Variants in PHLPP2 observed in about 807,000 individuals in gnomAD.
PHLPP2 encodes PH domain and leucine rich repeat protein phosphatase 2, also known as PH domain leucine-rich repeat-containing protein phosphatase 2.
Under a neutral mutation model 124.9 loss-of-function variants are expected in PHLPP2, and 66 were observed. That is an observed-to-expected ratio of 0.53 (90% CI 0.43 to 0.65). The LOEUF is 0.65. Among genes scored for constraint, PHLPP2 ranks in the 30% least tolerant of loss-of-function variants. The pLI, the probability that PHLPP2 is intolerant of heterozygous loss-of-function variation, is 0.00. For synonymous variants in PHLPP2, 681 were observed against 624.7 expected (o/e 1.09, Z -1.34); for missense variants, 1,685 against 1,600.4 (o/e 1.05, Z -0.90).
intron 5 of PHLPP2, 105 bp from the exon 6 acceptor site, chr16:71,682,010 A>AG (rs1020717740): frequency 2.1e-4 from 134 of 632,796 alleles, no homozygotes; most frequent in African/African-American, 1.8e-4. Context: ...TTAAAAAGAT[A>AG]GGAAAAAAAA....
At chr16:71,723,936 A>G (rs2045416358) in intron 1 of PHLPP2, 4 of 522,146 alleles carry the variant, frequency 7.7e-6, no homozygotes, top group Non-Finnish European at 1.0e-5. Context: ...GGCGCGCGCG[A>G]GCAACCGGTG....
At chr16:71,711,790 G>A (rs530259373) in intron 2 of PHLPP2, among the ~76,000 whole-genome samples, 1 of 152,298 alleles carries the variant, frequency 6.6e-6, no homozygotes, top group African/African-American at 2.4e-5. Flanking sequence ...TCAACTATCT[G>A]ACAAAGGGCT....
intron 2 of PHLPP2, among the ~76,000 whole-genome samples, chr16:71,703,950 A>ATCTC (rs2045254119): frequency 1.3e-5 from 2 of 152,202 alleles, no homozygotes; most frequent in African/African-American, 4.8e-5. Context: ...ACAACAACCA[A>ATCTC]AAGCAAGCAC....
At chr16:71,703,546 G>A (rs2045250756) in intron 2 of PHLPP2, among the ~76,000 whole-genome samples, 2 of 151,956 alleles carry the variant, frequency 1.3e-5, no homozygotes, top group African/African-American at 4.8e-5. Context: ...GATAGAAGGG[G>A]CTATAATAGT....
At chr16:71,723,808 C>G in intron 1 of PHLPP2, 1 of 1,294,838 alleles carries the variant, frequency 7.7e-7, no homozygotes, top group Non-Finnish European at 9.8e-7. Flanking sequence ...GGCTCGCGGG[C>G]GCTTCGGGCG....
chr16:71,710,882 G>A (rs984872802), intron 2 of PHLPP2, among the ~76,000 whole-genome samples: 4 of 152,048 alleles, frequency 2.6e-5, no homozygotes, highest in East Asian at 1.9e-4. Flanking sequence ...AGTAACTGTC[G>A]AAGCCAGGAT....
Position 71,652,866 on chromosome 16 carries a change from A to C in PHLPP2, c.2741T>G (p.Leu914Arg), listed in dbSNP as rs749876697. The C allele has an allele frequency of 3.1e-6, 5 of 1,614,004 alleles. No homozygotes were observed. The highest frequency in any genetic ancestry group is 4.2e-6 in the Non-Finnish European group (5 of 1,180,004). Residue 914 changes from leucine to arginine, a missense_variant, in exon 18 of 19, where the codon CTC becomes CGC. Physicochemically the swap from Leu to Arg is moderately radical, Grantham distance 102 (BLOSUM62 -2). Coordinates refer to ENST00000568954, the MANE Select transcript of PHLPP2 (RefSeq NM_015020.3). ...VLCRGGKPVP[L>R]SKVFSLEQDP... ...CTGCTCCAGGCTGAAGACTTTAGAG[A>C]GGGGCACTGGCTTCCCACCTCGGCA...
chr16:71,661,091 G>A (rs1256449138), intron 13 of PHLPP2, among the ~76,000 whole-genome samples: 1 of 144,792 alleles, frequency 6.9e-6, no homozygotes, highest in Non-Finnish European at 1.5e-5. Context: ...TTTTGAGATA[G>A]GGTCCCGCTC....
intron 5 of PHLPP2, 91 bp from the exon 6 acceptor site, chr16:71,681,996 C>A: frequency 4.3e-5 from 36 of 842,026 alleles, no homozygotes; most frequent in South Asian, 2.2e-4. Context: ...CAAAAAGACG[C>A]TAATTAAAAA....
chr16:71,686,107 A>AAC (rs1158621272), intron 4 of PHLPP2, among the ~76,000 whole-genome samples: 1 of 152,186 alleles, frequency 6.6e-6, no homozygotes, highest in African/African-American at 2.4e-5. Context: ...CTCTGTCTCA[A>AAC]ACACACACAC....
At chr16:71,705,903 C>A (rs969199269) in intron 2 of PHLPP2, among the ~76,000 whole-genome samples, 1 of 152,168 alleles carries the variant, frequency 6.6e-6, no homozygotes, top group Admixed American at 6.5e-5. Context: ...AAATGAAGGA[C>A]TAATTCCATT....
intron 10 of PHLPP2, 47 bp from the exon 11 acceptor site, chr16:71,669,417 G>T (rs757609723): frequency 1.4e-5 from 19 of 1,361,680 alleles, no homozygotes; most frequent in South Asian, 2.3e-5. Context: ...ATGACAAGTG[G>T]AACTCATTTC....
At chr16:71,699,916 G>A (rs1243254633) in intron 3 of PHLPP2, among the ~76,000 whole-genome samples, 1 of 152,188 alleles carries the variant, frequency 6.6e-6, no homozygotes, top group Non-Finnish European at 1.5e-5. Context: ...ATCCCACAAA[G>A]GGTGGAGCAC....
chr16:71,677,471 T>C (rs1216924473), intron 8 of PHLPP2: 1 of 45,050 alleles, frequency 2.2e-5, no homozygotes, highest in African/African-American at 6.4e-5. Context: ...TATATATATA[T>C]ATATATATAT....
At chr16:71,714,957 C>T (rs542593028) in intron 1 of PHLPP2, 156 bp from the exon 2 acceptor site, 53 of 872,462 alleles carry the variant, frequency 6.1e-5, no homozygotes, top group African/African-American at 3.6e-4. Context: ...CATGCTCATT[C>T]GTAATAACTC....
chr16:71,659,570 A>T (rs2044771573), intron 13 of PHLPP2, among the ~76,000 whole-genome samples: 5 of 152,134 alleles, frequency 3.3e-5, no homozygotes, highest in Admixed American at 3.3e-4. Context: ...GATTCTTTAC[A>T]GTTTTAAATT....
intron 12 of PHLPP2, chr16:71,666,042 A>T (rs552488767): frequency 4.6e-5 from 7 of 152,324 alleles, no homozygotes; most frequent in Non-Finnish European, 8.8e-5. Flanking sequence ...ATTGAAGACA[A>T]TATTGCTTTC....
chr16:71,645,045 A>C lies in PHLPP2; in HGVS notation c.*3845T>G. On this transcript the variant is annotated 3_prime_UTR_variant, in exon 19 of 19. Transcript: ENST00000568954. Reference sequence around the variant, plus strand: ...CTCATATTATTGAATTAAAAAATTTAACACATTTCAAAAATATCAAAAATA... The same window carrying C: ...CTCATATTATTGAATTAAAAAATTTCACACATTTCAAAAATATCAAAAATA... 3.6e-6 allele frequency: 1 copy of C among 277,670 alleles called. No homozygotes were observed. Among genetic ancestry groups the C allele is most frequent in the Non-Finnish European group, 7.1e-6 (1 of 141,450 alleles). 17.2% of individuals were successfully genotyped at this position (277,670 alleles called of 1,614,324 possible).
intron 12 of PHLPP2, among the ~76,000 whole-genome samples, chr16:71,665,264 C>T (rs989299725): frequency 1.3e-5 from 2 of 152,090 alleles, no homozygotes; most frequent in East Asian, 1.9e-4. Flanking sequence ...GAGCTGAGAT[C>T]GTGCCACCGC....
Sources: allele counts gnomAD v4.1 joint callset (sites outside exome capture counted in the v4.1 genomes callset), GRCh38; gene constraint gnomAD v4.1.1; transcripts MANE v1.5; gene names NCBI Gene and HGNC (gene_info 2026-07-23, HGNC 2026-07-21).